RREB1: variants seen among roughly 807,000 people sequenced by gnomAD.
RREB1 encodes ras responsive element binding protein 1, also known as ras-responsive element-binding protein 1.
A neutral mutation model predicts 117.8 loss-of-function variants in RREB1; 27 were observed. The ratio of observed to expected loss-of-function variants is 0.23; its 90% CI spans 0.17 to 0.32. The LOEUF (loss-of-function observed/expected upper bound fraction) is 0.32. Ranked by LOEUF, RREB1 falls within the 10% of genes least tolerant of loss-of-function variation. The pLI, the probability that RREB1 is intolerant of heterozygous loss-of-function variation, is 1.00. For synonymous variants in RREB1, 1,298 were observed against 1,026.7 expected (o/e 1.26, Z -5.05); for missense variants, 2,577 against 2,378.2 (o/e 1.08, Z -1.74).
chr6:7,223,806 G>C (rs1442750436), intron 8 of RREB1, among the ~76,000 whole-genome samples: 1 of 152,146 alleles, frequency 6.6e-6, no homozygotes, highest in African/African-American at 2.4e-5. Flanking sequence ...ACACATTTCA[G>C]AAAGTTTGCA....
At chr6:7,176,394 T>C (rs984441127) in intron 1 of RREB1, among the ~76,000 whole-genome samples, 3 of 152,330 alleles carry the variant, frequency 2.0e-5, no homozygotes, top group Non-Finnish European at 4.4e-5. Flanking sequence ...CACATGGTGC[T>C]GCCCTTGACG....
At chr6:7,126,554 C>G (rs1374867208) in intron 1 of RREB1, among the ~76,000 whole-genome samples, 3 of 152,258 alleles carry the variant, frequency 2.0e-5, no homozygotes, top group African/African-American at 7.2e-5. Context: ...CAGGCATGAG[C>G]CACTGTGCTG....
chr6:7,215,101 G>A (rs183688684), intron 8 of RREB1: 11 of 153,462 alleles, frequency 7.2e-5, no homozygotes, highest in South Asian at 4.1e-4. Flanking sequence ...AGGCTATGGC[G>A]AGCTGGCGTT....
intron 6 of RREB1, among the ~76,000 whole-genome samples, chr6:7,206,471 A>G (rs1241043130): frequency 6.6e-6 from 1 of 152,204 alleles, no homozygotes; most frequent in Non-Finnish European, 1.5e-5. Flanking sequence ...AATTCAACAA[A>G]TATTTATTTG....
At chr6:7,141,790 G>T (rs1561740728) in intron 1 of RREB1, among the ~76,000 whole-genome samples, 2 of 152,256 alleles carry the variant, frequency 1.3e-5, no homozygotes, top group African/African-American at 4.8e-5. Context: ...AAGGAGCGGG[G>T]CGTGTGTAGG....
rs775275518 is a variant in RREB1 at position 7,246,689 on chromosome 6, C to G, written c.4239C>G (p.Asn1413Lys). Residue 1413 changes from asparagine (N) to lysine (K), a missense_variant, in exon 12 of 13, where the codon AAC (asparagine) becomes AAG (lysine). Asn to Lys is a moderately conservative substitution (Grantham distance 94, BLOSUM62 0). Transcript: ENST00000379938. ...GCGCGGAAGAGGACGCGTCGAGCAA[C>G]CAGAGCCTGGACCTGGACTTCGCCA... The part of the protein sequence containing the change: ...ADGAEEDASS[N>K]QSLDLDFATK... 1.2e-5 allele frequency: 19 copies of G among 1,584,188 alleles called. No homozygotes were observed. Among genetic ancestry groups the G allele is most frequent in the Non-Finnish European group, 1.6e-5 (19 of 1,165,638 alleles).
chr6:7,116,105 G>A (rs1761386208), intron 1 of RREB1, among the ~76,000 whole-genome samples: 5 of 152,206 alleles, frequency 3.3e-5, no homozygotes, highest in Admixed American at 2.0e-4. Flanking sequence ...AACTAAAGCC[G>A]TGCGTGGTGT....
Position 7,210,866 on chromosome 6 carries a change from T to G in RREB1, c.488T>G (p.Leu163Arg). Residue 163 changes from leucine (L) to arginine (R), a missense_variant, in exon 7 of 13, where the codon CTG (leucine) becomes CGG (arginine). By Grantham distance (102) the Leu-to-Arg change is moderately radical (BLOSUM62 -2). Transcript: ENST00000379938. ...ACAGCCACAGCCCCTCCATCTCCTC[T>G]GAAACGTAGGCGATTGTCCTCCAAG... The part of the protein sequence containing the change: ...SATATAPPSP[L>R]KRRRLSSKRK... 6.2e-7 allele frequency: 1 copy of G among 1,614,120 alleles called. No homozygotes were observed. Among genetic ancestry groups the G allele is most frequent in the South Asian group, 1.1e-5 (1 of 91,086 alleles).
At chr6:7,157,387 T>C (rs1763423301) in intron 1 of RREB1, among the ~76,000 whole-genome samples, 1 of 151,222 alleles carries the variant, frequency 6.6e-6, no homozygotes, top group Admixed American at 6.6e-5. Flanking sequence ...TGAGCCAAGA[T>C]CGTGCAGCTG....
At chr6:7,110,097 A>G (rs1403991062) in intron 1 of RREB1, among the ~76,000 whole-genome samples, 1 of 152,130 alleles carries the variant, frequency 6.6e-6, no homozygotes, top group Non-Finnish European at 1.5e-5. Context: ...CATCTCCATT[A>G]TTTTTGATAT....
chr6:7,203,018 A>G (rs1233013490), intron 6 of RREB1, among the ~76,000 whole-genome samples: 1 of 152,252 alleles, frequency 6.6e-6, no homozygotes, highest in African/African-American at 2.4e-5. Flanking sequence ...TTAGCAAAAC[A>G]CAAGCAGGCA....
chr6:7,192,736 T>G (rs4960293), intron 6 of RREB1, among the ~76,000 whole-genome samples: 72,878 of 151,926 alleles, frequency 0.48, 18,709 homozygotes, highest in African/African-American at 0.68. Context: ...TCTTTTCAAA[T>G]AACCAACTTT....
intron 1 of RREB1, among the ~76,000 whole-genome samples, chr6:7,142,777 C>T (rs931434759): frequency 6.6e-5 from 10 of 152,244 alleles, no homozygotes; most frequent in Non-Finnish European, 4.4e-5. Flanking sequence ...TTACGTGGCA[C>T]CCCCTCTTTC....
intron 1 of RREB1, among the ~76,000 whole-genome samples, chr6:7,114,440 GTC>G (rs1165500558): frequency 2.4e-4 from 36 of 147,882 alleles, no homozygotes; most frequent in Non-Finnish European, 1.5e-5. Context: ...TTTTGGCACT[GTC>G]TGGAGACATT....
At chr6:7,244,820 A>T (rs1330769870) in intron 11 of RREB1, among the ~76,000 whole-genome samples, 10 of 152,154 alleles carry the variant, frequency 6.6e-5, no homozygotes, top group Admixed American at 5.2e-4. Context: ...GTCTCCTCAG[A>T]CCTCAGGACG....
At chr6:7,126,214 C>A (rs953554084) in intron 1 of RREB1, among the ~76,000 whole-genome samples, 1 of 152,138 alleles carries the variant, frequency 6.6e-6, no homozygotes, top group Non-Finnish European at 1.5e-5. Context: ...GTTGGTCAGG[C>A]TGGCCTTGAA....
At chr6:7,168,712 C>A (rs898647151) in intron 1 of RREB1, among the ~76,000 whole-genome samples, 2 of 152,216 alleles carry the variant, frequency 1.3e-5, no homozygotes, top group African/African-American at 4.8e-5. Context: ...CTCTTGTCTC[C>A]ATTCTGTTAG....
chr6:7,230,330 T>G lies in RREB1; in HGVS notation c.2231T>G (p.Leu744Arg), dbSNP rs369973752. The G allele has an allele frequency of 1.9e-6, 3 of 1,589,146 alleles. No homozygotes were observed. The highest frequency in any genetic ancestry group is 8.5e-7 in the Non-Finnish European group (1 of 1,172,690). The part of the protein sequence containing the change: ...IEYVSSSAAE[L>R]VDAFCAPDTV... ...TATGTGAGTAGCAGCGCGGCCGAGC[T>G]GGTGGACGCCTTCTGCGCCCCGGAC... Residue 744 changes from leucine to arginine, a missense_variant, in exon 10 of 13, where the codon CTG becomes CGG. Transcript: ENST00000379938.
At chr6:7,225,898 A>G (rs1355383089) in intron 8 of RREB1, among the ~76,000 whole-genome samples, 2 of 152,208 alleles carry the variant, frequency 1.3e-5, no homozygotes, top group African/African-American at 4.8e-5. Flanking sequence ...CATGAGGACC[A>G]TGGTTATCAT....
Sources: allele counts gnomAD v4.1 joint callset (sites outside exome capture counted in the v4.1 genomes callset), GRCh38; gene constraint gnomAD v4.1.1; transcripts MANE v1.5; gene names NCBI Gene and HGNC (gene_info 2026-07-23, HGNC 2026-07-21).